Variants in EYS observed in about 807,000 individuals in gnomAD.
EYS encodes the protein EGF-like photoreceptor maintenance factor.
Under a neutral mutation model 282.1 loss-of-function variants are expected in EYS, and 250 were observed. That is an observed-to-expected ratio of 0.89 (90% CI 0.80 to 0.98). The LOEUF is 0.98. EYS is among the 50% of genes least tolerant of loss of function. The pLI is 0.00. For missense variants in EYS, 4,016 were observed against 3,709.0 expected (o/e 1.08, Z -2.15); for synonymous variants, 1,355 against 1,282.9 (o/e 1.06, Z -1.20).
chr6:65,430,364 T>C (rs1767837447), intron 5 of EYS, among the ~76,000 whole-genome samples: 1 of 151,978 alleles, frequency 6.6e-6, no homozygotes, highest in South Asian at 2.1e-4. Context: ...TAGCCAGAGG[T>C]GAACCACTAA....
At chr6:64,283,404 T>A (rs1768380146) in intron 30 of EYS, among the ~76,000 whole-genome samples, 1 of 152,198 alleles carries the variant, frequency 6.6e-6, no homozygotes, top group South Asian at 2.1e-4. Context: ...TACTAACATA[T>A]TAGCTCTGTG....
chr6:64,249,756 T>C (rs2150347869), intron 30 of EYS, among the ~76,000 whole-genome samples: 1 of 152,326 alleles, frequency 6.6e-6, no homozygotes, highest in African/African-American at 2.4e-5. Flanking sequence ...GAGAGAGGAA[T>C]GCATCTACCG....
intron 12 of EYS, among the ~76,000 whole-genome samples, chr6:65,105,418 A>G (rs960290173): frequency 1.3e-5 from 2 of 151,892 alleles, no homozygotes; most frequent in African/African-American, 4.8e-5. Context: ...ACACACACGT[A>G]CACACATAAA....
intron 26 of EYS, among the ~76,000 whole-genome samples, chr6:64,523,059 T>TC (rs531298177): frequency 2.0e-5 from 3 of 150,676 alleles, no homozygotes; most frequent in Non-Finnish European, 4.4e-5. Context: ...GTTTTTTTTT[T>TC]CCCCCTACAG....
intron 22 of EYS, among the ~76,000 whole-genome samples, chr6:64,729,889 A>G (rs60495638): frequency 0.019 from 2,910 of 152,320 alleles, 110 homozygotes; most frequent in African/African-American, 0.066. Flanking sequence ...CTGGTAAAAT[A>G]GTTGTACAGG....
At chr6:64,042,802 G>C (rs1238045177) in intron 33 of EYS, among the ~76,000 whole-genome samples, 1 of 152,122 alleles carries the variant, frequency 6.6e-6, no homozygotes, top group African/African-American at 2.4e-5. Flanking sequence ...GCTGGTCTCG[G>C]CTGACTTGCC....
intron 19 of EYS, among the ~76,000 whole-genome samples, chr6:64,852,918 GT>G (rs1430448751): frequency 2.0e-5 from 3 of 152,064 alleles, no homozygotes; most frequent in Non-Finnish European, 4.4e-5. Context: ...CATTTCCATT[GT>G]TTTAAATCAC....
At chr6:64,464,552 A>G (rs1327895740) in intron 26 of EYS, among the ~76,000 whole-genome samples, 1 of 152,138 alleles carries the variant, frequency 6.6e-6, no homozygotes, top group Non-Finnish European at 1.5e-5. Flanking sequence ...CTAAAGACTC[A>G]ACTAAAAAGA....
intron 22 of EYS, among the ~76,000 whole-genome samples, chr6:64,735,068 A>G (rs1160877085): frequency 6.6e-6 from 1 of 152,082 alleles, no homozygotes; most frequent in African/African-American, 2.4e-5. Context: ...TTTATGGTAC[A>G]GTATAGGTTA....
intron 5 of EYS, among the ~76,000 whole-genome samples, chr6:65,475,778 C>G (rs1036496742): frequency 5.9e-5 from 9 of 151,308 alleles, no homozygotes; most frequent in South Asian, 2.1e-4. Context: ...CACACACACA[C>G]AGAGACAGAG....
chr6:63,746,927 C>T (rs981814131), intron 41 of EYS, among the ~76,000 whole-genome samples: 8 of 152,150 alleles, frequency 5.3e-5, no homozygotes, highest in Non-Finnish European at 1.2e-4. Flanking sequence ...GTGTCTCTAT[C>T]TCCTTCAGTT....
At position 64,355,452 on chromosome 6, in the gene EYS, T is replaced by C. The variant is rs115849170; in HGVS notation, c.6078+33238A>G. ...TTCGTAACACACACACTTTTTGTGC[T>C]AATTTTTACCGTGTATTAAAGAATC... On this transcript the variant is annotated intron_variant, in intron 29 of 42. Transcript: ENST00000503581. 1.6e-3 allele frequency among the ~76,000 whole-genome samples: 245 copies of C among 151,752 alleles called. 1 individual carries two copies. The highest frequency in any genetic ancestry group is 5.7e-3 in the African/African-American group (238 of 41,510).
intron 5 of EYS, among the ~76,000 whole-genome samples, chr6:65,440,947 GTATATAAATATA>G (rs1013449897): frequency 1.4e-5 from 2 of 146,066 alleles, no homozygotes; most frequent in African/African-American, 2.5e-5. Context: ...GTCTGTATAT[GTATATAAATATA>G]TATATTTAAA....
chr6:64,561,997 A>G lies in EYS; in HGVS notation c.5644+28226T>C, dbSNP rs139437133. On this transcript the variant is annotated intron_variant, in intron 26 of 42. Coordinates refer to ENST00000503581, the MANE Select transcript of EYS (RefSeq NM_001142800.2). ...GAAGCATTCTATTACCTGACTTTAT[A>G]CTACAAGGCAACAGTAACCAAAACA... 6.7e-3 allele frequency among the ~76,000 whole-genome samples: 1,022 copies of G among 151,750 alleles called. 16 individuals carry two copies. Among genetic ancestry groups the G allele is most frequent in the African/African-American group, 0.024 (981 of 41,440 alleles).
chr6:63,909,066 G>A (rs1034570408), intron 35 of EYS, among the ~76,000 whole-genome samples: 1 of 152,070 alleles, frequency 6.6e-6, no homozygotes. Context: ...AGGAAATGAG[G>A]CTGAAAAGGC....
At chr6:65,202,185 T>C (rs911101390) in intron 12 of EYS, among the ~76,000 whole-genome samples, 1 of 152,068 alleles carries the variant, frequency 6.6e-6, no homozygotes, top group Admixed American at 6.6e-5. Context: ...TAATGTATCA[T>C]GCTAATTTTA....
At chr6:65,008,593 T>C (rs1190268216) in intron 13 of EYS, among the ~76,000 whole-genome samples, 2 of 152,136 alleles carry the variant, frequency 1.3e-5, no homozygotes, top group Non-Finnish European at 2.9e-5. Flanking sequence ...AAAGACACTT[T>C]AAAAAAGATT....
intron 19 of EYS, among the ~76,000 whole-genome samples, chr6:64,847,274 A>G (rs1299196244): frequency 6.6e-6 from 1 of 150,894 alleles, no homozygotes; most frequent in Admixed American, 6.9e-5. Flanking sequence ...GTGTATGTAT[A>G]TGTATATTAT....
intron 35 of EYS, among the ~76,000 whole-genome samples, chr6:63,891,177 C>G (rs1465843944): frequency 6.6e-6 from 1 of 152,078 alleles, no homozygotes; most frequent in East Asian, 1.9e-4. Flanking sequence ...GAGCTGGTAC[C>G]ATCTTCTTAA....
Sources: allele counts gnomAD v4.1 joint callset (sites outside exome capture counted in the v4.1 genomes callset), GRCh38; gene constraint gnomAD v4.1.1; transcripts MANE v1.5; gene names NCBI Gene and HGNC (gene_info 2026-07-23, HGNC 2026-07-21).